Variants in TMEM198 observed in about 807,000 individuals in gnomAD.
TMEM198 encodes transmembrane protein 198.
A neutral mutation model predicts 31.5 loss-of-function variants in TMEM198; 21 were observed. The ratio of observed to expected loss-of-function variants is 0.67; its 90% CI spans 0.47 to 0.96. The LOEUF is 0.96. Ranked by LOEUF, TMEM198 falls within the 40% of genes least tolerant of loss-of-function variation. The pLI is 0.00. For synonymous variants in TMEM198, 211 were observed against 223.3 expected (o/e 0.95, Z 0.49); for missense variants, 447 against 499.4 (o/e 0.89, Z 1.00).
At chr2:219,543,996 C>T (rs1695337238), upstream of TMEM198, 2 of 353,442 alleles carry the variant, frequency 5.7e-6, no homozygotes, top group African/African-American at 2.2e-5. Context: ...AGAAGCAGCC[C>T]GCCCCTGCCT....
In TMEM198 at chr2:219,549,973, C is replaced by T. The variant is rs1006735338; in HGVS notation, c.*119C>T. The stretch of plus-strand genomic sequence containing the variant: ...CTCTCCCCAGCCTGGAGAGGGCTGG[C>T]CTGGTCACTAGAAGGGAGGATTGTC... On this transcript the variant is annotated 3_prime_UTR_variant, in exon 5 of 5. Coordinates refer to ENST00000373883, the MANE Select transcript of TMEM198 (RefSeq NM_001005209.3). The T allele has an allele frequency of 2.2e-6, 3 of 1,343,098 alleles. No homozygotes were observed. Among genetic ancestry groups the T allele is most frequent in the Admixed American group, 2.2e-5 (1 of 45,582 alleles). The allele number at this position is 1,343,098 out of a possible 1,614,324, so 83.2% of individuals were successfully genotyped here.
chr2:219,544,653 A>AG (rs777273822), intron 1 of TMEM198, 36 bp from the exon 2 acceptor site: 3 of 1,569,776 alleles, frequency 1.9e-6, no homozygotes, highest in Non-Finnish European at 2.6e-6. Context: ...GTGGGGACCC[A>AG]GGACTCCTCC....
Position 219,550,285 on chromosome 2 carries a change from C to T in TMEM198, c.*431C>T. On this transcript the variant is annotated 3_prime_UTR_variant, in exon 5 of 5. Coordinates refer to ENST00000373883, the MANE Select transcript of TMEM198 (RefSeq NM_001005209.3). ...TCTCCGCGGAGGGGCTACCTTCCTTCCCATCGCCCTGCCTCGCAGCCAGAC... is the reference window on the plus strand; with the variant it reads ...TCTCCGCGGAGGGGCTACCTTCCTTTCCATCGCCCTGCCTCGCAGCCAGAC... The T allele has an allele frequency of 5.4e-6, 1 of 185,372 alleles. No individual in the cohort carries two copies. Among genetic ancestry groups the T allele is most frequent in the Non-Finnish European group, 1.1e-5 (1 of 88,598 alleles). 11.5% of individuals were successfully genotyped at this position (185,372 alleles called of 1,614,324 possible).
chr2:219,543,882 G>A (rs1468864448), upstream of TMEM198: 3 of 362,368 alleles, frequency 8.3e-6, no homozygotes, highest in African/African-American at 6.6e-5. Context: ...AGGTTAAAGG[G>A]GAAGGACCCC....
Position 219,547,811 on chromosome 2 carries a change from C to G in TMEM198, c.472C>G (p.Leu158Val), listed in dbSNP as rs560316887. Residue 158 changes from leucine to valine, a missense_variant, in exon 3 of 5, where the codon CTG becomes GTG. Physicochemically the swap from Leu to Val is conservative, Grantham distance 32 (BLOSUM62 1). Transcript: ENST00000373883. The stretch of plus-strand genomic sequence containing the variant: ...ACTGGGGCTGTTGCTGGGGGGCGGC[C>G]TGCTCTGTGCCCTGCTCACTCTGCG... ...GPLGLLLGGG[L>V]LCALLTLRWP... 2 of 1,591,820 alleles carry G rather than the reference C, an allele frequency of 1.3e-6. No homozygotes were observed. The highest frequency in any genetic ancestry group is 3.3e-5 in the Admixed American group (2 of 59,704).
Position 219,547,660 on chromosome 2 carries a change from G to A in TMEM198, c.321G>A (p.Gly107=). ...GIALGIGLLC[G]LVAMLVRSVG... ...CTCTGGGCATCGGGCTGCTCTGCGG[G>A]CTGGTGGCCATGCTAGTGCGCAGCG... Residue 107 remains glycine, a synonymous_variant, in exon 3 of 5, where the codon GGG becomes GGA. Coordinates refer to ENST00000373883, the MANE Select transcript of TMEM198 (RefSeq NM_001005209.3). The A allele has an allele frequency of 6.5e-7, 1 of 1,535,446 alleles. No individual in the cohort carries two copies. The highest frequency in any genetic ancestry group is 8.8e-7 in the Non-Finnish European group (1 of 1,140,846).
intron 2 of TMEM198, among the ~76,000 whole-genome samples, chr2:219,545,423 C>T (rs1440218545): frequency 3.3e-5 from 5 of 152,186 alleles, no homozygotes; most frequent in Non-Finnish European, 7.3e-5. Flanking sequence ...GCCTACAAGG[C>T]AGGCTCCGGT....
Position 219,547,501 on chromosome 2 carries a change from T to C in TMEM198, c.167-5T>C, listed in dbSNP as rs758889560. On this transcript the variant is annotated splice_polypyrimidine_tract_variant and splice_region_variant and intron_variant, in intron 2 of 4. Coordinates refer to ENST00000373883, the MANE Select transcript of TMEM198 (RefSeq NM_001005209.3). The stretch of plus-strand genomic sequence containing the variant: ...GGCCCCTCACTAGCCCCTGTTCCCC[T>C]CCAGGTTACCGCTGCTTCAAGGCAG... The C allele has an allele frequency of 4.2e-6, 6 of 1,419,826 alleles. No individual in the cohort carries two copies. The East Asian group carries it at 1.5e-4, about 36-fold the overall frequency. The allele number at this position is 1,419,826 out of a possible 1,614,324, so 88.0% of individuals were successfully genotyped here. A position where few individuals can be genotyped will look rare whatever the true frequency, so the allele number is the denominator to read the frequency against.
intron 3 of TMEM198, among the ~76,000 whole-genome samples, chr2:219,548,467 G>T (rs1695441752): frequency 6.6e-6 from 1 of 152,222 alleles, no homozygotes; most frequent in African/African-American, 2.4e-5. Context: ...AGCTATTAGA[G>T]TTAGGGTGGT....
At chr2:219,544,637 A>G (rs1037814831) in intron 1 of TMEM198, 52 bp from the exon 2 acceptor site, 57 of 1,483,868 alleles carry the variant, frequency 3.8e-5, no homozygotes, top group Non-Finnish European at 5.2e-5. Flanking sequence ...TCCCACCCCC[A>G]TCCTGGTGGG....
At chr2:219,548,137 TGG>T in intron 3 of TMEM198, 56 bp downstream of exon 3, 1 of 1,429,036 alleles carries the variant, frequency 7.0e-7, no homozygotes, top group South Asian at 1.4e-5. Context: ...AGGGATGGGT[TGG>T]GGGCCAAGTG....
chr2:219,549,072 A>G (rs770704851), intron 3 of TMEM198, 80 bp from the exon 4 acceptor site: 5 of 1,514,428 alleles, frequency 3.3e-6, no homozygotes, highest in Middle Eastern at 3.5e-4. Flanking sequence ...CTAGAGCCAC[A>G]GGTGGGATGA....
intron 3 of TMEM198, 77 bp from the exon 4 acceptor site, chr2:219,549,075 T>TTC (rs1559128050): frequency 6.5e-7 from 1 of 1,536,418 alleles, no homozygotes; most frequent in Non-Finnish European, 9.0e-7. Flanking sequence ...GAGCCACAGG[T>TTC]GGGATGAGAG....
chr2:219,547,693 C>T lies in TMEM198; in HGVS notation c.354C>T (p.Leu118=). Residue 118 remains leucine (L), a synonymous_variant, in exon 3 of 5, where the codon CTC becomes CTT. Coordinates refer to ENST00000373883, the MANE Select transcript of TMEM198 (RefSeq NM_001005209.3). ...CCATGCTAGTGCGCAGCGTGGGCCT[C>T]TTCCTGGTGGGGCTGCTGCTCGGCC... ...LVAMLVRSVG[L]FLVGLLLGLL... 1 of 1,567,060 alleles carries T rather than the reference C, an allele frequency of 6.4e-7. No homozygotes were observed. Among genetic ancestry groups the T allele is most frequent in the Non-Finnish European group, 8.6e-7 (1 of 1,159,990 alleles).
intron 1 of TMEM198, 70 bp downstream of exon 1, chr2:219,544,447 A>G: frequency 1.8e-6 from 1 of 567,880 alleles, no homozygotes; most frequent in Non-Finnish European, 3.3e-6. Flanking sequence ...TCTCACTGGC[A>G]GCACGCTCCC....
chr2:219,548,253 A>T (rs1311780209), intron 3 of TMEM198, among the ~76,000 whole-genome samples, 172 bp downstream of exon 3: 12 of 152,124 alleles, frequency 7.9e-5, no homozygotes, highest in Admixed American at 7.8e-4. Flanking sequence ...TCATTCCACA[A>T]CAACATATGG....
Position 219,549,755 on chromosome 2 carries a change from CT to C in TMEM198, c.985del (p.Ser329ProfsTer2), listed in dbSNP as rs762481932. On this transcript the variant is annotated frameshift_variant, in exon 5 of 5. Coordinates refer to ENST00000373883, the MANE Select transcript of TMEM198 (RefSeq NM_001005209.3). LOFTEE classifies it high-confidence loss of function. ...GCTTCCGAGACCGGCAGACCGGGAG[CT>C]CCCTGAGCTCCTTCATGGCCTCACC... ...QSFRDRQTGS[S>X]LSSFMASPTD... 7.7e-5 allele frequency: 124 copies of C among 1,613,946 alleles called. No homozygotes were observed. The highest frequency in any genetic ancestry group is 1.0e-4 in the Non-Finnish European group (120 of 1,180,016).
At position 219,544,879 on chromosome 2, in the gene TMEM198, TC is replaced by T; in HGVS notation, c.153del (p.Tyr52ThrfsTer35). ...ATCATGTGCTGTTTGTTTGGAGTCG[TC>T]TACTGCTTCTTCGGTGAGATCCCCA... ...VCIMCCLFGV[V>X]YCFFGYRCFK... On this transcript the variant is annotated frameshift_variant, in exon 2 of 5. Transcript: ENST00000373883. LOFTEE classifies it high-confidence loss of function. 1 of 1,614,042 alleles carries T rather than the reference TC, an allele frequency of 6.2e-7. No individual in the cohort carries two copies. The highest frequency in any genetic ancestry group is 8.5e-7 in the Non-Finnish European group (1 of 1,179,856).
In TMEM198 at chr2:219,547,363, T is replaced by C. The variant is rs142341809; in HGVS notation, c.167-143T>C. 4.8e-3 allele frequency: 3,045 copies of C among 630,300 alleles called. 11 individuals are homozygous for C. The highest frequency in any genetic ancestry group is 7.5e-3 in the Middle Eastern group (16 of 2,144). 39.0% of individuals were successfully genotyped at this position (630,300 alleles called of 1,614,324 possible). A position where few individuals can be genotyped will look rare whatever the true frequency, so the allele number is the denominator to read the frequency against. ...AATGGCCCCATCACTGATGCCGTCA[T>C]GACTCCAGTGACCCTCAATTCTCTG... On this transcript the variant is annotated intron_variant, in intron 2 of 4. Coordinates refer to ENST00000373883, the MANE Select transcript of TMEM198 (RefSeq NM_001005209.3).
Sources: gnomAD v4.1 joint callset for allele counts (sites outside exome capture counted in the v4.1 genomes callset) on GRCh38, gnomAD v4.1.1 for gene constraint, MANE v1.5 for transcripts, NCBI Gene and HGNC (gene_info 2026-07-23, HGNC 2026-07-21) for gene names.